The following CCSER1 variants were observed in gnomAD, a reference collection of about 807,000 sequenced individuals.
CCSER1 encodes coiled-coil serine rich protein 1.
In CCSER1, 41 loss-of-function variants were observed where a neutral mutation model predicts 82.0. The ratio of observed to expected loss-of-function variants is 0.50; its 90% confidence interval spans 0.39 to 0.65. The LOEUF is 0.65. CCSER1 is among the 30% of genes least tolerant of loss of function. The pLI, the probability that CCSER1 is intolerant of heterozygous loss-of-function variation, is 0.00. For synonymous variants in CCSER1, 414 were observed against 383.9 expected (o/e 1.08, Z -0.92); for missense variants, 1,119 against 1,064.2 (o/e 1.05, Z -0.72).
intron 10 of CCSER1, among the ~76,000 whole-genome samples, chr4:91,218,755 C>G (rs1255042489): frequency 6.6e-6 from 1 of 152,064 alleles, no homozygotes; most frequent in African/African-American, 2.4e-5. Context: ...GTAAGAATAT[C>G]GATAATATTG....
rs551889848 is a variant in CCSER1 at position 91,452,039 on chromosome 4, T to C, written c.2218-146533T>C. ...GCATCAGAACATGCTCTATATACAC[T>C]ATGATGTCTGGATAGTAAGTATTTA... On this transcript the variant is annotated intron_variant, in intron 10 of 10. Coordinates refer to ENST00000509176, the MANE Select transcript of CCSER1 (RefSeq NM_001145065.2). Among the ~76,000 whole-genome samples the C allele has an allele frequency of 1.1e-4, 17 of 152,096 alleles. No homozygotes were observed. The South Asian group carries it at 3.5e-3, about 31-fold the overall frequency.
At chr4:90,967,077 G>T (rs961092573) in intron 9 of CCSER1, among the ~76,000 whole-genome samples, 2 of 152,016 alleles carry the variant, frequency 1.3e-5, no homozygotes, top group African/African-American at 2.4e-5. Flanking sequence ...ATAGAATTGA[G>T]AATCCAAAAC....
At chr4:90,555,162 A>G (rs1048347061) in intron 5 of CCSER1, among the ~76,000 whole-genome samples, 4 of 152,066 alleles carry the variant, frequency 2.6e-5, no homozygotes, top group Admixed American at 2.6e-4. Flanking sequence ...GAAATAATAT[A>G]TAAAGCTTTG....
chr4:90,617,190 G>A (rs60573925), intron 5 of CCSER1, among the ~76,000 whole-genome samples: 6,339 of 152,172 alleles, frequency 0.042, 427 homozygotes, highest in African/African-American at 0.14. Context: ...TTATTTGGTG[G>A]AGGTATGTCT....
rs966788356 is a variant in CCSER1 at position 90,923,591 on chromosome 4, C to T, written c.2172+144C>T. Reference sequence around the variant, plus strand: ...ATTCATCTTTTGCTCTTAAACAATCCCCAAATACCTCCTGGAACTAAAAAA... The same window carrying T: ...ATTCATCTTTTGCTCTTAAACAATCTCCAAATACCTCCTGGAACTAAAAAA... On this transcript the variant is annotated intron_variant, in intron 9 of 10. Transcript: ENST00000509176. 19 of 563,384 alleles carry T rather than the reference C, an allele frequency of 3.4e-5. No individual in the cohort carries two copies. In the African/African-American group the frequency reaches 3.6e-4, roughly 11 times the overall value. 34.9% of individuals were successfully genotyped at this position (563,384 alleles called of 1,614,324 possible). A position where few individuals can be genotyped will look rare whatever the true frequency, so the allele number is the denominator to read the frequency against.
intron 10 of CCSER1, among the ~76,000 whole-genome samples, chr4:91,516,585 G>GT (rs1284569175): frequency 1.3e-5 from 2 of 152,068 alleles, no homozygotes; most frequent in Non-Finnish European, 2.9e-5. Context: ...TTTTGTATTG[G>GT]TACTATACTG....
intron 8 of CCSER1, among the ~76,000 whole-genome samples, chr4:90,873,807 C>T (rs1766861419): frequency 6.6e-6 from 1 of 152,014 alleles, no homozygotes; most frequent in African/African-American, 2.4e-5. Context: ...GTAAAAATGC[C>T]TTGACCTTCT....
At chr4:90,995,695 A>G (rs1474459898) in intron 9 of CCSER1, among the ~76,000 whole-genome samples, 1 of 152,058 alleles carries the variant, frequency 6.6e-6, no homozygotes, top group African/African-American at 2.4e-5. Context: ...TAGCACAATA[A>G]CATAATTAAG....
chr4:91,367,130 CAAAAAAAA>C (rs70965488), intron 10 of CCSER1, among the ~76,000 whole-genome samples: 3 of 63,732 alleles, frequency 4.7e-5, no homozygotes, highest in African/African-American at 1.7e-4. Context: ...ACCATCTCTC[CAAAAAAAA>C]AAAAAAAAAA....
chr4:91,318,991 A>G, intron 10 of CCSER1: 1 of 169,624 alleles, frequency 5.9e-6, no homozygotes. Context: ...CCACACAGGT[A>G]GAAGATGATT....
chr4:91,181,791 C>T (rs1045390553), intron 10 of CCSER1, among the ~76,000 whole-genome samples: 1 of 152,126 alleles, frequency 6.6e-6, no homozygotes, highest in Admixed American at 6.5e-5. Flanking sequence ...AGCCTGTTTA[C>T]AAATAGGTTT....
chr4:90,533,288 G>A (rs1002131157), intron 5 of CCSER1, among the ~76,000 whole-genome samples: 7 of 151,788 alleles, frequency 4.6e-5, no homozygotes, highest in African/African-American at 1.5e-4. Flanking sequence ...GTAGAGACGG[G>A]GTTTCACCGT....
chr4:91,043,269 A>G (rs1212665526), intron 9 of CCSER1, among the ~76,000 whole-genome samples: 1 of 152,142 alleles, frequency 6.6e-6, no homozygotes, highest in African/African-American at 2.4e-5. Flanking sequence ...AATAAAAAAT[A>G]TCTTAAAAAT....
chr4:91,376,874 A>G (rs1169587958), intron 10 of CCSER1, among the ~76,000 whole-genome samples: 1 of 148,586 alleles, frequency 6.7e-6, no homozygotes, highest in African/African-American at 2.5e-5. Flanking sequence ...CATCATTTAC[A>G]TTAGGTATAT....
intron 10 of CCSER1, among the ~76,000 whole-genome samples, chr4:91,297,365 T>TTGTGTGTGTGTGTGTGTGTA (rs1176040377): frequency 1.5e-3 from 188 of 128,884 alleles, no homozygotes; most frequent in Admixed American, 5.1e-3. Flanking sequence ...GAATGGATGC[T>TTGTGTGTGTGTGTGTGTGTA]TGTGTGTGTG....
intron 10 of CCSER1, among the ~76,000 whole-genome samples, chr4:91,192,853 A>G (rs776525487): frequency 1.3e-5 from 2 of 152,028 alleles, no homozygotes; most frequent in Non-Finnish European, 2.9e-5. Context: ...TGTCTCTGCT[A>G]TATTGGTAAA....
At chr4:90,380,800 C>T (rs1749080020) in intron 3 of CCSER1, among the ~76,000 whole-genome samples, 1 of 152,136 alleles carries the variant, frequency 6.6e-6, no homozygotes, top group African/African-American at 2.4e-5. Context: ...GGAATGACCT[C>T]CTTAGGGACA....
chr4:91,265,594 T>C (rs1741511022), intron 10 of CCSER1, among the ~76,000 whole-genome samples: 1 of 152,206 alleles, frequency 6.6e-6, no homozygotes. Context: ...AGGTGATAGG[T>C]ACCACTTCCA....
intron 5 of CCSER1, among the ~76,000 whole-genome samples, chr4:90,501,878 T>A (rs181583718): frequency 6.6e-6 from 1 of 152,318 alleles, no homozygotes; most frequent in Admixed American, 6.5e-5. Context: ...GTTAAATTGC[T>A]TTATAGAAAT....
Sources: gnomAD v4.1 joint callset for allele counts (sites outside exome capture counted in the v4.1 genomes callset) on GRCh38, gnomAD v4.1.1 for gene constraint, MANE v1.5 for transcripts, NCBI Gene and HGNC (gene_info 2026-07-23, HGNC 2026-07-21) for gene names.